KCNMA1: variants seen among roughly 807,000 people sequenced by gnomAD.
KCNMA1 encodes Calcium-activated potassium channel subunit alpha-1.
KCNMA1 carries 29 observed loss-of-function variants against 140.0 expected under a neutral mutation model. The observed-to-expected ratio is 0.21, with a 90% CI of 0.15 to 0.28. The LOEUF (loss-of-function observed/expected upper bound fraction) is 0.28, where lower values mean the gene tolerates loss of function less well. KCNMA1 is among the 10% of genes least tolerant of loss of function. The pLI is 1.00. For synonymous variants in KCNMA1, 612 were observed against 611.9 expected (o/e 1.00, Z 0.00); for missense variants, 880 against 1,602.2 (o/e 0.55, Z 7.70).
At chr10:77,392,207 GAGGA>G (rs1452558421) in intron 2 of KCNMA1, among the ~76,000 whole-genome samples, 2 of 113,290 alleles carry the variant, frequency 1.8e-5, no homozygotes, top group Non-Finnish European at 3.7e-5. Flanking sequence ...GGGCAGTGGG[GAGGA>G]AGGAAGGAAG....
chr10:77,045,492 T>C (rs1050875517), intron 14 of KCNMA1, among the ~76,000 whole-genome samples: 9 of 152,210 alleles, frequency 5.9e-5, no homozygotes, highest in African/African-American at 2.2e-4. Flanking sequence ...TTTACTGTCT[T>C]ATTTATCTAC....
intron 9 of KCNMA1, among the ~76,000 whole-genome samples, chr10:77,103,545 G>A (rs923999912): frequency 2.6e-5 from 4 of 152,196 alleles, no homozygotes; most frequent in African/African-American, 9.7e-5. Flanking sequence ...TGCCCAGCAG[G>A]GAAGTCCAAG....
intron 14 of KCNMA1, among the ~76,000 whole-genome samples, chr10:77,054,960 A>T (rs1040071909): frequency 6.6e-6 from 1 of 152,154 alleles, no homozygotes; most frequent in Non-Finnish European, 1.5e-5. Context: ...TAAAAAAAAA[A>T]TAGGTGAACT....
intron 2 of KCNMA1, among the ~76,000 whole-genome samples, chr10:77,349,596 T>A (rs930401005): frequency 5.3e-5 from 8 of 152,326 alleles, no homozygotes; most frequent in Non-Finnish European, 1.0e-4. Flanking sequence ...TTTCTCCCCA[T>A]CATCTTTTCT....
chr10:77,314,923 AACACACACACACACACACACACACAC>A (rs3998084), intron 2 of KCNMA1, among the ~76,000 whole-genome samples: 1 of 146,250 alleles, frequency 6.8e-6, no homozygotes, highest in African/African-American at 2.5e-5. Context: ...CCACACCCCC[AACACACACACACACACACACACACAC>A]ACACACACAC....
rs1603635852 is a variant in KCNMA1, at chr10:77,555,006, G to A, written c.378+82259C>T. Among the ~76,000 whole-genome samples, 3 of 151,446 alleles carry A rather than the reference G, an allele frequency of 2.0e-5. No individual in the cohort carries two copies. In the South Asian group the frequency reaches 6.2e-4, roughly 31 times the overall value. On this transcript the variant is annotated intron_variant, in intron 1 of 27. Transcript: ENST00000286628. ...TCTTCTCAGAAGAACCGTTCATAAT[G>A]AAATTCGAGCTGCCTCAATCTTCCT... is the stretch of plus-strand genomic sequence containing the variant.
intron 1 of KCNMA1, among the ~76,000 whole-genome samples, chr10:77,412,539 GC>G (rs2096642517): frequency 6.6e-6 from 1 of 152,164 alleles, no homozygotes; most frequent in African/African-American, 2.4e-5. Flanking sequence ...CAGGCTGTGT[GC>G]CCTGGGCCAG....
At chr10:77,032,908 T>G (rs10762745) in intron 15 of KCNMA1, among the ~76,000 whole-genome samples, 137,796 of 152,178 alleles carry the variant, frequency 0.91, 62,715 homozygotes, top group Middle Eastern at 0.98. Context: ...TTGCTGGTGT[T>G]AATTAAACAT....
chr10:77,427,848 G>A (rs1445216563), intron 1 of KCNMA1, among the ~76,000 whole-genome samples: 1 of 151,848 alleles, frequency 6.6e-6, no homozygotes, highest in African/African-American at 2.4e-5. Context: ...CACCTCCCAC[G>A]TTCAAGCAAT....
intron 22 of KCNMA1, among the ~76,000 whole-genome samples, chr10:76,947,441 T>C (rs1408019923): frequency 6.6e-6 from 1 of 152,032 alleles, no homozygotes; most frequent in Non-Finnish European, 1.5e-5. Flanking sequence ...ATCACACATA[T>C]ACCCATCTCT....
chr10:76,941,959 T>G (rs2062574285), intron 23 of KCNMA1, among the ~76,000 whole-genome samples: 1 of 151,978 alleles, frequency 6.6e-6, no homozygotes, highest in Non-Finnish European at 1.5e-5. Flanking sequence ...TTACTTTATT[T>G]ATTTGTTTGT....
rs1171386753 is a variant in KCNMA1 at position 77,108,419 on chromosome 10, AAAAT to A, written c.1223+58_1223+61del. On this transcript the variant is annotated intron_variant, in intron 9 of 27. Coordinates refer to ENST00000286628, the MANE Select transcript of KCNMA1 (RefSeq NM_001161352.2). The surrounding 1 kb of genome is among the most constrained non-coding windows in gnomAD (Gnocchi z 4.6). ...AAGAAACAAGAGCCAAAAAAAAAAAAAAATGGCATGCAGAGAGGATTCTACCGCA... is the reference window on the plus strand; with the variant it reads ...AAGAAACAAGAGCCAAAAAAAAAAAAGGCATGCAGAGAGGATTCTACCGCA... The A allele has an allele frequency of 7.8e-6, 12 of 1,536,184 alleles. No individual in the cohort carries two copies. The highest frequency in any genetic ancestry group is 7.0e-5 in the Admixed American group (4 of 57,480).
chr10:77,445,987 C>A (rs1175814906), intron 1 of KCNMA1, among the ~76,000 whole-genome samples: 1 of 152,154 alleles, frequency 6.6e-6, no homozygotes, highest in Non-Finnish European at 1.5e-5. Context: ...ACACAAGAGG[C>A]TGGAAACACA....
intron 1 of KCNMA1, among the ~76,000 whole-genome samples, chr10:77,413,572 G>A (rs975673311): frequency 4.6e-5 from 7 of 152,134 alleles, no homozygotes; most frequent in African/African-American, 1.7e-4. Flanking sequence ...GGAATGGATG[G>A]AGGAGGTGGT....
At chr10:77,237,453 C>T (rs77830451) in intron 3 of KCNMA1, among the ~76,000 whole-genome samples, 3,716 of 152,232 alleles carry the variant, frequency 0.024, 72 homozygotes, top group East Asian at 0.038. Context: ...TCCCCACTTT[C>T]TTTTTGCAAA....
chr10:77,457,881 T>G (rs2097786369), intron 1 of KCNMA1, among the ~76,000 whole-genome samples: 1 of 151,980 alleles, frequency 6.6e-6, no homozygotes, highest in Admixed American at 6.6e-5. Context: ...GGAAAAAAAG[T>G]TATATAGGAA....
chr10:77,215,366 C>CTTGTTTTGTT (rs1253170653), intron 3 of KCNMA1, among the ~76,000 whole-genome samples: 8 of 112,458 alleles, frequency 7.1e-5, no homozygotes, highest in African/African-American at 2.3e-4. Context: ...ACAGATTGCA[C>CTTGTTTTGTT]CTGTTTTGTT....
At chr10:77,195,386 C>T (rs768392028) in intron 3 of KCNMA1, among the ~76,000 whole-genome samples, 1 of 152,016 alleles carries the variant, frequency 6.6e-6, no homozygotes, top group Non-Finnish European at 1.5e-5. Context: ...ACCAACACCA[C>T]CATGGAAAAT....
intron 1 of KCNMA1, among the ~76,000 whole-genome samples, chr10:77,533,366 C>G (rs2058137825): frequency 6.6e-6 from 1 of 152,162 alleles, no homozygotes; most frequent in African/African-American, 2.4e-5. Context: ...AGCTCCGGGT[C>G]TAGTTTCCCT....
Sources: allele counts gnomAD v4.1 joint callset (sites outside exome capture counted in the v4.1 genomes callset), GRCh38; gene constraint gnomAD v4.1.1; non-coding constraint Gnocchi (gnomAD v3.1); transcripts MANE v1.5; gene names NCBI Gene and HGNC (gene_info 2026-07-23, HGNC 2026-07-21).